Variants in ADGRL2 observed in about 807,000 individuals in gnomAD.
ADGRL2 encodes adhesion G protein-coupled receptor L2.
In ADGRL2, 44 loss-of-function variants were observed where a neutral mutation model predicts 157.4. That is an observed-to-expected ratio of 0.28 (90% CI 0.22 to 0.36). The LOEUF is 0.36. ADGRL2 is among the 10% of genes least tolerant of loss of function. The pLI is 1.00. For missense variants in ADGRL2, 1,510 were observed against 1,768.9 expected (o/e 0.85, Z 2.63); for synonymous variants, 585 against 624.7 (o/e 0.94, Z 0.95).
chr1:81,756,766 A>C (rs184559645), intron 1 of ADGRL2, among the ~76,000 whole-genome samples: 6 of 152,208 alleles, frequency 3.9e-5, no homozygotes, highest in Admixed American at 3.3e-4. Context: ...AACAAATAAC[A>C]GAATTTTAAA....
At chr1:81,564,506 A>C (rs2080515445) in intron 2 of ADGRL2, among the ~76,000 whole-genome samples, 1 of 152,178 alleles carries the variant, frequency 6.6e-6, no homozygotes, top group South Asian at 2.1e-4. Context: ...AGCCTCCCTC[A>C]GTGCCTTGCC....
chr1:81,348,238 A>T (rs1323908386), intron 1 of ADGRL2, among the ~76,000 whole-genome samples: 1 of 152,158 alleles, frequency 6.6e-6, no homozygotes, highest in Non-Finnish European at 1.5e-5. Context: ...CCTGTAGCTA[A>T]GAGTCTCTAA....
intron 1 of ADGRL2, among the ~76,000 whole-genome samples, chr1:81,356,525 C>T (rs1210673878): frequency 1.3e-5 from 2 of 151,968 alleles, no homozygotes; most frequent in Non-Finnish European, 2.9e-5. Context: ...AAGGTCTCAT[C>T]CTCTTCTTTG....
chr1:81,754,776 C>G (rs1011712654), intron 1 of ADGRL2, among the ~76,000 whole-genome samples: 3 of 149,026 alleles, frequency 2.0e-5, no homozygotes, highest in Non-Finnish European at 3.0e-5. Flanking sequence ...AACTTTCTTG[C>G]TTTGTAGCTT....
rs112681863 is a variant in ADGRL2, at chr1:81,950,356, C to T, written c.1378C>T (p.Pro460Ser). 0.012 allele frequency: 19,617 copies of T among 1,614,010 alleles called. 181 individuals are homozygous for T. Among genetic ancestry groups the T allele is most frequent in the Admixed American group, 0.042 (2,532 of 59,998 alleles). ...TCCAGCAGTTTCTACAACCAAAATTCCACCTATAACAAATATTTTTCCCCT... is the reference window on the plus strand; with the variant it reads ...TCCAGCAGTTTCTACAACCAAAATTTCACCTATAACAAATATTTTTCCCCT... ...PPPAVSTTKI[P>S]PITNIFPLPE... Residue 460 changes from proline (P) to serine (S), a missense_variant, in exon 7 of 24, where the codon CCA (proline) becomes TCA (serine). By Grantham distance (74) the Pro-to-Ser change is moderately conservative. This residue lies in a region of ADGRL2 where 325 missense variants were observed against 333.2 expected (regional missense o/e 0.98). Coordinates refer to ENST00000686636, the MANE Select transcript of ADGRL2 (RefSeq NM_001366006.2).
intron 15 of ADGRL2, 31 bp from the exon 16 acceptor site, chr1:81,970,283 C>A (rs760964582): frequency 6.1e-6 from 9 of 1,484,386 alleles, no homozygotes; most frequent in Non-Finnish European, 7.5e-6. Flanking sequence ...CATGAGTTTT[C>A]TTTTGTGTTT....
intron 2 of ADGRL2, among the ~76,000 whole-genome samples, chr1:81,525,019 G>A (rs578151500): frequency 6.6e-6 from 1 of 152,174 alleles, no homozygotes; most frequent in African/African-American, 2.4e-5. Context: ...GGTGGTTAGG[G>A]GACAGAGGTA....
intron 2 of ADGRL2, among the ~76,000 whole-genome samples, chr1:81,536,679 T>C (rs946998768): frequency 6.6e-6 from 1 of 152,254 alleles, no homozygotes; most frequent in Non-Finnish European, 1.5e-5. Context: ...TGTTTTGTTT[T>C]GTTTTGTTTT....
chr1:81,854,416 A>G (rs12746563), intron 2 of ADGRL2, among the ~76,000 whole-genome samples: 11,861 of 152,238 alleles, frequency 0.078, 536 homozygotes, highest in South Asian at 0.16. Context: ...AAAGGCAGCA[A>G]CTTTTGGTGT....
At chr1:81,657,799 C>A (rs911527829) in intron 3 of ADGRL2, among the ~76,000 whole-genome samples, 1 of 152,088 alleles carries the variant, frequency 6.6e-6, no homozygotes, top group East Asian at 1.9e-4. Flanking sequence ...CAGGATACAT[C>A]CAAAAATCAA....
In ADGRL2 at chr1:81,938,395, G is replaced by A. The variant is rs150751868; in HGVS notation, c.397+1558G>A. 2.9e-4 allele frequency among the ~76,000 whole-genome samples: 44 copies of A among 151,792 alleles called. No homozygotes were observed. In the East Asian group the frequency reaches 8.3e-3, roughly 29 times the overall value. On this transcript the variant is annotated intron_variant, in intron 4 of 23. Transcript: ENST00000686636. Reference sequence around the variant, plus strand: ...GTCTATAGACCAAGAACAGTGTTAAGCAAATATTATTTTCAGACTCATAAG... The same window carrying A: ...GTCTATAGACCAAGAACAGTGTTAAACAAATATTATTTTCAGACTCATAAG...
At chr1:81,787,655 C>CA (rs917237269) in intron 2 of ADGRL2, among the ~76,000 whole-genome samples, 223 of 138,448 alleles carry the variant, frequency 1.6e-3, no homozygotes, top group African/African-American at 5.3e-3. Flanking sequence ...ACACTTGTCT[C>CA]AAAAAAAAAA....
At chr1:81,543,932 C>G (rs1299242996) in intron 2 of ADGRL2, among the ~76,000 whole-genome samples, 1 of 152,106 alleles carries the variant, frequency 6.6e-6, no homozygotes, top group Non-Finnish European at 1.5e-5. Context: ...CCTATTTACA[C>G]CGGGTGTTCT....
intron 2 of ADGRL2, among the ~76,000 whole-genome samples, chr1:81,870,169 A>G (rs913823126): frequency 6.6e-6 from 1 of 151,420 alleles, no homozygotes; most frequent in African/African-American, 2.4e-5. Flanking sequence ...TTATTTTATT[A>G]TAATTTTTTG....
intron 2 of ADGRL2, chr1:81,557,603 A>G (rs2080339590): frequency 6.6e-6 from 1 of 152,354 alleles, no homozygotes; most frequent in Non-Finnish European, 1.5e-5. Flanking sequence ...TTCTGGCTAC[A>G]CTGAGCAATA....
intron 1 of ADGRL2, among the ~76,000 whole-genome samples, chr1:81,319,079 T>A (rs1222622056): frequency 1.1e-4 from 16 of 151,398 alleles, no homozygotes; most frequent in Admixed American, 9.9e-4. Context: ...GTAGCTGGGA[T>A]TACAGGCATG....
chr1:81,421,119 A>G (rs2077116764), intron 1 of ADGRL2, among the ~76,000 whole-genome samples: 1 of 152,240 alleles, frequency 6.6e-6, no homozygotes, highest in African/African-American at 2.4e-5. Context: ...TAACAGAGCC[A>G]TAAAATATTT....
In ADGRL2 at chr1:81,970,553, C is replaced by T; in HGVS notation, c.2954+19C>T. The T allele has an allele frequency of 1.9e-6, 3 of 1,583,068 alleles. No homozygotes were observed. The highest frequency in any genetic ancestry group is 2.6e-6 in the Non-Finnish European group (3 of 1,155,278). ...AAAAAGCGTAAGTAATTGCAAGCGA[C>T]CTGAGTGTTTTTCAAGTGAATAATT... On this transcript the variant is annotated intron_variant, in intron 16 of 23. Transcript: ENST00000686636.
At chr1:81,541,930 C>A (rs761472141) in intron 2 of ADGRL2, among the ~76,000 whole-genome samples, 8 of 152,114 alleles carry the variant, frequency 5.3e-5, no homozygotes, top group African/African-American at 1.9e-4. Flanking sequence ...TGTACTCCAG[C>A]CTGGGCAACA....
Sources: allele counts gnomAD v4.1 joint callset (sites outside exome capture counted in the v4.1 genomes callset), GRCh38; gene constraint gnomAD v4.1.1; regional missense constraint gnomAD v4.1.1; transcripts MANE v1.5; gene names NCBI Gene and HGNC (gene_info 2026-07-23, HGNC 2026-07-21).